The following CD58 variants were observed in gnomAD, a reference collection of about 807,000 sequenced individuals.
CD58 encodes CD58 molecule, also known as lymphocyte function-associated antigen 3.
Under a neutral mutation model 27.6 loss-of-function variants are expected in CD58, and 14 were observed. The ratio of observed to expected loss-of-function variants is 0.51; its 90% confidence interval spans 0.34 to 0.79. CD58 has a LOEUF of 0.79. CD58 is among the 30% of genes least tolerant of loss of function. The pLI is 0.02. For synonymous variants in CD58, 117 were observed against 103.8 expected, an observed-to-expected ratio of 1.13 and a Z score of -0.77; for missense variants, 268 against 301.7, an observed-to-expected ratio of 0.89 and a Z score of 0.83.
rs1396830437 is a variant in CD58 at position 116,536,433 on chromosome 1, T to C, written c.365-205A>G. Among the ~76,000 whole-genome samples the C allele has an allele frequency of 6.6e-6, 1 of 152,164 alleles. No homozygotes were observed. Among genetic ancestry groups the C allele is most frequent in the Non-Finnish European group, 1.5e-5 (1 of 68,020 alleles). On this transcript the variant is annotated intron_variant, in intron 2 of 5. Transcript: ENST00000369489. The surrounding 1 kb of genome is among the most constrained non-coding windows in gnomAD (Gnocchi z 5.4). ...AACAGAATAAATTCAGACCCTGATA[T>C]GGTTTGGCTCTGGGTCCTCACCCAA... is the stretch of plus-strand genomic sequence containing the variant.
Position 116,514,547 on chromosome 1 carries a change from T to C in CD58, c.*266A>G, listed in dbSNP as rs1321442151. ...CAAACCACCTAGTCACTTGTGTACA[T>C]ATTTACATTTATTTACAAAAGTATC... On this transcript the variant is annotated 3_prime_UTR_variant, in exon 6 of 6. Transcript: ENST00000369489. 7.4e-6 allele frequency: 3 copies of C among 404,920 alleles called. No homozygotes were observed. Among genetic ancestry groups the C allele is most frequent in the Non-Finnish European group, 1.3e-5 (3 of 224,498 alleles). The allele number at this position is 404,920 out of a possible 1,614,324, so 25.1% of individuals were successfully genotyped here.
In CD58 at chr1:116,519,098, T is replaced by A; in HGVS notation, c.743+133A>T. Reference sequence around the variant, plus strand: ...TACTTAATACACTATGGTTAGTATATCTGCTGATGTTACTTCTTATTACTG... The same window carrying A: ...TACTTAATACACTATGGTTAGTATAACTGCTGATGTTACTTCTTATTACTG... On this transcript the variant is annotated intron_variant, in intron 5 of 5. Transcript: ENST00000369489. This position sits in a 1 kb window ranked among gnomAD's most constrained non-coding sequence, Gnocchi z 4.7. 1 of 1,505,622 alleles carries A rather than the reference T, an allele frequency of 6.6e-7. No individual in the cohort carries two copies. Among genetic ancestry groups the A allele is most frequent in the East Asian group, 2.4e-5 (1 of 40,986 alleles). 93.3% of individuals were successfully genotyped at this position (1,505,622 alleles called of 1,614,324 possible).
chr1:116,544,727 T>G (rs1658107731), intron 1 of CD58, 123 bp from the exon 2 acceptor site: 1 of 656,352 alleles, frequency 1.5e-6, no homozygotes, highest in Admixed American at 3.0e-5. Context: ...AGTAAGAACA[T>G]GTTTGACCAT....
At position 116,552,830 on chromosome 1, in the gene CD58, T is replaced by C. The variant is rs1272994471; in HGVS notation, c.71-8226A>G. On this transcript the variant is annotated intron_variant, in intron 1 of 5. Transcript: ENST00000369489. This position sits in a 1 kb window ranked among gnomAD's most constrained non-coding sequence, Gnocchi z 4.5. ...CCTGATGTATTTATGGTTTCATATT[T>C]ATGTGGGAGTAGAGTGGAGCTGGGA... is the stretch of plus-strand genomic sequence containing the variant. 2.0e-5 allele frequency among the ~76,000 whole-genome samples: 3 copies of C among 152,210 alleles called. No homozygotes were observed. Among genetic ancestry groups the C allele is most frequent in the Non-Finnish European group, 4.4e-5 (3 of 68,038 alleles).
chr1:116,514,742 T>G lies in CD58; in HGVS notation c.*71A>C. The G allele has an allele frequency of 1.3e-4, 134 of 1,013,918 alleles. No individual in the cohort carries two copies. The highest frequency in any genetic ancestry group is 1.8e-4 in the Non-Finnish European group (123 of 665,756). 62.8% of individuals were successfully genotyped at this position (1,013,918 alleles called of 1,614,324 possible). On this transcript the variant is annotated 3_prime_UTR_variant, in exon 6 of 6. Transcript: ENST00000369489. Reference sequence around the variant, plus strand: ...TTGTTCAAAAATTGTAATACTCAAATGAGAAATCAGATGGCTTTTTAGTTT... The same window carrying G: ...TTGTTCAAAAATTGTAATACTCAAAGGAGAAATCAGATGGCTTTTTAGTTT...
At chr1:116,533,985 T>G (rs533590485) in intron 3 of CD58, 2 of 1,404,400 alleles carry the variant, frequency 1.4e-6, no homozygotes, top group East Asian at 4.6e-5. Flanking sequence ...CTGCCAAAAC[T>G]CCAGGATTCT....
Position 116,520,641 on chromosome 1 carries a change from G to A in CD58, c.706+1265C>T, listed in dbSNP as rs149968107. 1.6e-3 allele frequency among the ~76,000 whole-genome samples: 249 copies of A among 152,022 alleles called. 2 individuals are homozygous for A. Among genetic ancestry groups the A allele is most frequent in the African/African-American group, 5.6e-3 (234 of 41,460 alleles). On this transcript the variant is annotated intron_variant, in intron 4 of 5. Coordinates refer to ENST00000369489, the MANE Select transcript of CD58 (RefSeq NM_001779.3). ...TCTACAACAACACTGAGTGGAAAAT[G>A]ATTTTGGTTTCTGGGAACCAACCTG...
At chr1:116,560,409 G>T (rs1658717316) in intron 1 of CD58, among the ~76,000 whole-genome samples, 1 of 152,174 alleles carries the variant, frequency 6.6e-6, no homozygotes, top group African/African-American at 2.4e-5. Flanking sequence ...TTTCAATACA[G>T]TACTGATCAT....
chr1:116,530,862 AAGG>A (rs1401921595), intron 3 of CD58, among the ~76,000 whole-genome samples: 2 of 152,214 alleles, frequency 1.3e-5, no homozygotes, highest in Admixed American at 1.3e-4. Context: ...TGCATTTTAA[AAGG>A]AGAAGGTCCT....
Position 116,538,688 on chromosome 1 carries a change from C to T in CD58, c.365-2460G>A, listed in dbSNP as rs1467316021. Reference sequence around the variant, plus strand: ...CCAATGTCTAGTCTTTCATCCAGCACTTTCTGAACTGAACAGAGGTGCATC... The same window carrying T: ...CCAATGTCTAGTCTTTCATCCAGCATTTTCTGAACTGAACAGAGGTGCATC... On this transcript the variant is annotated intron_variant, in intron 2 of 5. Coordinates refer to ENST00000369489, the MANE Select transcript of CD58 (RefSeq NM_001779.3). This position sits in a 1 kb window ranked among gnomAD's most constrained non-coding sequence, Gnocchi z 4.7. 1.5e-4 allele frequency among the ~76,000 whole-genome samples: 23 copies of T among 152,172 alleles called. No individual in the cohort carries two copies. The highest frequency in any genetic ancestry group is 1.5e-3 in the Admixed American group (23 of 15,274).
intron 1 of CD58, among the ~76,000 whole-genome samples, chr1:116,554,662 T>C (rs569709544): frequency 6.6e-6 from 1 of 152,260 alleles, no homozygotes; most frequent in East Asian, 1.9e-4. Flanking sequence ...ACGGTTACTT[T>C]AGAGATTGTG....
In CD58 at chr1:116,522,336, GAAGGGCTGACAAGAGTTCCT is replaced by G. The variant is rs553482127; in HGVS notation, c.629-373_629-354del. On this transcript the variant is annotated intron_variant, in intron 3 of 5. Transcript: ENST00000369489. The surrounding 1 kb of genome is among the most constrained non-coding windows in gnomAD (Gnocchi z 4.6). ...TTAAGTGGTCCCAAAGTATAGTGTT[GAAGGGCTGACAAGAGTTCCT>G]AAGTGCAAGAAGGCTGCGATGTGCC... Among the ~76,000 whole-genome samples the G allele has an allele frequency of 9.2e-5, 14 of 152,234 alleles. No homozygotes were observed. The East Asian group carries it at 2.7e-3, about 29-fold the overall frequency.
chr1:116,535,314 TA>T (rs1472357796), intron 3 of CD58, among the ~76,000 whole-genome samples: 1 of 152,230 alleles, frequency 6.6e-6, no homozygotes, highest in African/African-American at 2.4e-5. Context: ...AGATAGCCTC[TA>T]CTCAAAGCCA....
intron 1 of CD58, among the ~76,000 whole-genome samples, chr1:116,568,853 C>T (rs1659031589): frequency 6.6e-6 from 1 of 152,250 alleles, no homozygotes; most frequent in Non-Finnish European, 1.5e-5. Flanking sequence ...AGCTAGGCAT[C>T]TGACCCCAGA....
intron 2 of CD58, among the ~76,000 whole-genome samples, chr1:116,537,449 C>G (rs1233587765): frequency 1.3e-5 from 2 of 152,182 alleles, no homozygotes; most frequent in Non-Finnish European, 2.9e-5. Flanking sequence ...CATAATACAT[C>G]TGACTCAATA....
At chr1:116,526,432 T>G (rs1400924149) in intron 3 of CD58, among the ~76,000 whole-genome samples, 1 of 152,260 alleles carries the variant, frequency 6.6e-6, no homozygotes, top group African/African-American at 2.4e-5. Context: ...CAGCACTATT[T>G]GTTGAAAAGA....
At position 116,532,658 on chromosome 1, in the gene CD58, A is replaced by AGGGAAG. The variant is rs1657655563; in HGVS notation, c.628+3301_628+3306dup. 7.0e-6 allele frequency among the ~76,000 whole-genome samples: 1 copy of AGGGAAG among 142,792 alleles called. No homozygotes were observed. Among genetic ancestry groups the AGGGAAG allele is most frequent in the South Asian group, 2.6e-4 (1 of 3,834 alleles). The allele number at this position is 142,792 out of a possible 152,430, so 93.7% of individuals were successfully genotyped here. A position where few individuals can be genotyped will look rare whatever the true frequency, so the allele number is the denominator to read the frequency against. On this transcript the variant is annotated intron_variant, in intron 3 of 5. Coordinates refer to ENST00000369489, the MANE Select transcript of CD58 (RefSeq NM_001779.3). The surrounding 1 kb of genome is among the most constrained non-coding windows in gnomAD (Gnocchi z 5.1). ...AATGGGGTCTATGGGGCCCTCCCGC[A>AGGGAAG]GGGAAGGGTCCAGGCAAGTCCAGAG...
Position 116,533,140 on chromosome 1 carries a change from A to C in CD58, c.628+2825T>G. On this transcript the variant is annotated intron_variant, in intron 3 of 5. Transcript: ENST00000369489. ...TCACGGAAAAAGTGTCCAATTTCAA[A>C]ATCAGAGGCTAATACGAATTCAGAA... The C allele has an allele frequency of 4.0e-6, 3 of 754,524 alleles. No homozygotes were observed. In the South Asian group the frequency reaches 4.1e-5, roughly 10 times the overall value. 46.7% of individuals were successfully genotyped at this position (754,524 alleles called of 1,614,324 possible).
chr1:116,544,409 C>T lies in CD58; in HGVS notation c.266G>A (p.Ser89Asn), dbSNP rs373095579. 9.3e-6 allele frequency: 15 copies of T among 1,613,212 alleles called. No individual in the cohort carries two copies. The African/African-American group carries it at 1.7e-4, about 19-fold the overall frequency. The stretch of plus-strand genomic sequence containing the variant: ...TGATGTTAAGTTGTAGATAGTGAGG[C>T]TACCTGACACAGTGTCTAAATAAAC... ...NRVYLDTVSG[S>N]LTIYNLTSSD... The change falls in exon 2 of 6, where the codon AGC becomes AAC. Residue 89 changes from serine (S) to asparagine (N), a missense_variant. Physicochemically the swap from Ser to Asn is conservative, Grantham distance 46. Transcript: ENST00000369489.
Sources: gnomAD v4.1 joint callset for allele counts (sites outside exome capture counted in the v4.1 genomes callset) on GRCh38, gnomAD v4.1.1 for gene constraint, Gnocchi (gnomAD v3.1) non-coding constraint, MANE v1.5 for transcripts, NCBI Gene and HGNC (gene_info 2026-07-23, HGNC 2026-07-21) for gene names.